The following MRGPRF variants were observed in gnomAD, a reference collection of about 807,000 sequenced individuals.
The protein encoded by MRGPRF is MAS related GPR family member F, also known as mas-related G protein-coupled receptor member F.
Under a neutral mutation model 3.3 loss-of-function variants are expected in MRGPRF, and 2 were observed. The observed-to-expected ratio is 0.61, with a 90% confidence interval of 0.25 to 1.92. MRGPRF has a LOEUF of 1.92. Among genes scored for constraint, MRGPRF ranks in the 40% most tolerant of loss-of-function variants. The pLI, the probability that MRGPRF is intolerant of heterozygous loss-of-function variation, is 0.16. For missense variants in MRGPRF, 500 were observed against 476.0 expected, an observed-to-expected ratio of 1.05 and a Z score of -0.47; for synonymous variants, 242 against 222.7, an observed-to-expected ratio of 1.09 and a Z score of -0.77.
Position 69,005,678 on chromosome 11 carries a change from G to A in MRGPRF, c.632C>T (p.Pro211Leu), listed in dbSNP as rs1273582439. The A allele has an allele frequency of 4.5e-6, 7 of 1,551,350 alleles. No individual in the cohort carries two copies. The highest frequency in any genetic ancestry group is 3.9e-5 in the Admixed American group (2 of 51,012). ...GGCCAGGCAGGGCAGCACCATGAGC[G>A]GGCAGCAGAGCAGGAACAGGAGGAT... ...LGILLFLLCC[P>L]LMVLPCLALI... The change falls in exon 3 of 3, where the codon CCG becomes CTG. Residue 211 changes from proline to leucine, a missense_variant. Coordinates refer to ENST00000309099, the MANE Select transcript of MRGPRF (RefSeq NM_145015.5).
rs1438743421 is a variant in MRGPRF, at chr11:69,005,902, G to A, written c.408C>T (p.Ala136=). Reference sequence around the variant, plus strand: ...CCGAGGCGCAGCGCTCGGCGCTGACGGCCGGCAGGAGGCTCACGCCGGTAA... The same window carrying A: ...CCGAGGCGCAGCGCTCGGCGCTGACAGCCGGCAGGAGGCTCACGCCGGTAA... ...MFLTGVSLLP[A]VSAERCASVI... is the part of the protein sequence containing the mutation. Residue 136 remains alanine (A), a synonymous_variant, in exon 3 of 3, where the codon GCC becomes GCT. Coordinates refer to ENST00000309099, the MANE Select transcript of MRGPRF (RefSeq NM_145015.5). The A allele has an allele frequency of 1.3e-6, 2 of 1,572,540 alleles. No individual in the cohort carries two copies. The highest frequency in any genetic ancestry group is 1.2e-5 in the South Asian group (1 of 86,102).
intron 2 of MRGPRF, among the ~76,000 whole-genome samples, chr11:69,006,584 C>T (rs941169042): frequency 1.3e-5 from 2 of 151,256 alleles, no homozygotes; most frequent in Admixed American, 6.6e-5. Flanking sequence ...GTCCAAAAAA[C>T]GTCCAAGTCG....
At chr11:69,008,452 C>G (rs1860530436) in intron 2 of MRGPRF, among the ~76,000 whole-genome samples, 1 of 152,210 alleles carries the variant, frequency 6.6e-6, no homozygotes, top group Non-Finnish European at 1.5e-5. Flanking sequence ...TGGCAGAAAG[C>G]TGGGTCCTGA....
intron 2 of MRGPRF, among the ~76,000 whole-genome samples, chr11:69,006,674 C>T (rs1463669806): frequency 1.5e-5 from 2 of 132,092 alleles, no homozygotes; most frequent in East Asian, 2.4e-4. Context: ...CAGGCTGGAG[C>T]GTGCAGTGGC....
At position 69,005,335 on chromosome 11, in the gene MRGPRF, GC is replaced by G. The variant is rs1206177148; in HGVS notation, c.974del (p.Gly325AlafsTer98). The G allele has an allele frequency of 7.1e-6, 11 of 1,558,488 alleles. No homozygotes were observed. Among genetic ancestry groups the G allele is most frequent in the Admixed American group, 3.8e-5 (2 of 52,492 alleles). On this transcript the variant is annotated frameshift_variant, in exon 3 of 3. Transcript: ENST00000309099. LOFTEE classifies it high-confidence loss of function. ...CCATGGTGACTGTGTTGGGCGTGCT[GC>G]CCCCGGCCTCCCCCAGCTCAGCGCC... ...RDGAELGEAG[G>X]STPNTVTMEM...
chr11:69,006,292 T>C, intron 2 of MRGPRF, 31 bp from the exon 3 acceptor site: 14 of 1,544,674 alleles, frequency 9.1e-6, no homozygotes, highest in Non-Finnish European at 1.2e-5. Context: ...ACACCTGTGA[T>C]GCCGGCTGGC....
intron 2 of MRGPRF, among the ~76,000 whole-genome samples, chr11:69,008,846 G>C (rs1357702960): frequency 2.6e-5 from 4 of 152,212 alleles, no homozygotes; most frequent in African/African-American, 9.7e-5. Flanking sequence ...AGCTTACTCA[G>C]TGCCTCTTGT....
chr11:69,010,035 C>T, intron 1 of MRGPRF, 78 bp from the exon 2 acceptor site: 6 of 919,628 alleles, frequency 6.5e-6, no homozygotes, highest in Non-Finnish European at 6.5e-6. Flanking sequence ...CCTAGGCCCC[C>T]AAGGCCTGTG....
At chr11:69,006,362 G>T in intron 2 of MRGPRF, 101 bp from the exon 3 acceptor site, 1 of 1,324,636 alleles carries the variant, frequency 7.5e-7, no homozygotes, top group Admixed American at 2.4e-5. Flanking sequence ...TCCCAATTAG[G>T]GACTTGGGGC....
Position 69,005,883 on chromosome 11 carries a change from C to T in MRGPRF, c.427G>A (p.Ala143Thr), listed in dbSNP as rs1336121186. The T allele has an allele frequency of 6.4e-7, 1 of 1,565,046 alleles. No homozygotes were observed. The highest frequency in any genetic ancestry group is 1.4e-5 in the African/African-American group (1 of 74,060). ...TACCAGGCGGGGAAGATGACCGAGG[C>T]GCAGCGCTCGGCGCTGACGGCCGGC... Reference protein sequence around the residue: ...LLPAVSAERCASVIFPAWYWR... With the variant: ...LLPAVSAERCTSVIFPAWYWR... The change falls in exon 3 of 3, where the codon GCC (alanine) becomes ACC (threonine). Residue 143 changes from alanine to threonine, a missense_variant. Ala to Thr is a moderately conservative substitution (Grantham distance 58). Coordinates refer to ENST00000309099, the MANE Select transcript of MRGPRF (RefSeq NM_145015.5).
At chr11:69,011,979 C>T (rs1860606590) in intron 1 of MRGPRF, among the ~76,000 whole-genome samples, 1 of 152,250 alleles carries the variant, frequency 6.6e-6, no homozygotes. Flanking sequence ...CTTGTCCTGC[C>T]AGGGACAACC....
intron 2 of MRGPRF, 88 bp from the exon 3 acceptor site, chr11:69,006,349 G>T (rs1590679131): frequency 1.4e-6 from 2 of 1,443,908 alleles, no homozygotes; most frequent in Non-Finnish European, 1.8e-6. Context: ...GGGAGGGGGG[G>T]GGTCCCAATT....
chr11:69,011,153 G>A (rs909151995), intron 1 of MRGPRF, among the ~76,000 whole-genome samples: 8 of 152,080 alleles, frequency 5.3e-5, no homozygotes, highest in African/African-American at 1.9e-4. Context: ...CGCCCGCCGC[G>A]CACTCCTCCC....
intron 1 of MRGPRF, among the ~76,000 whole-genome samples, chr11:69,011,120 G>GGCCTCA (rs1360444240): frequency 3.3e-5 from 5 of 152,142 alleles, no homozygotes; most frequent in Admixed American, 6.5e-5. Context: ...GGGTCCGCCC[G>GGCCTCA]GCCTCAGCCA....
chr11:69,009,696 G>T (rs775647821), intron 2 of MRGPRF, 158 bp downstream of exon 2: 4 of 850,318 alleles, frequency 4.7e-6, no homozygotes, highest in African/African-American at 3.3e-5. Flanking sequence ...ACTTGTGCCC[G>T]GCCACATAGC....
rs2154012438 is a variant in MRGPRF at position 69,005,733 on chromosome 11, C to A, written c.577G>T (p.Ala193Ser). 1 of 1,550,186 alleles carries A rather than the reference C, an allele frequency of 6.5e-7. No individual in the cohort carries two copies. Among genetic ancestry groups the A allele is most frequent in the Non-Finnish European group, 8.7e-7 (1 of 1,146,670 alleles). The change falls in exon 3 of 3, where the codon GCC (alanine) becomes TCC (serine). Residue 193 changes from alanine to serine, a missense_variant. Physicochemically the swap from Ala to Ser is moderately conservative, Grantham distance 99. Transcript: ENST00000309099. ...AGGAAGATGTCCATGTGCCTGCAGG[C>A]CGCGCCGGGGGCCCCGCGGCCCAGG... ...VFLGRGAPGA[A>S]CRHMDIFLGI... is the part of the protein sequence containing the mutation.
At chr11:69,006,333 GC>G in intron 2 of MRGPRF, 72 bp from the exon 3 acceptor site, 1 of 1,409,278 alleles carries the variant, frequency 7.1e-7, no homozygotes, top group South Asian at 1.4e-5. Context: ...CTGGGGCCCA[GC>G]GTGGGGGAGG....
chr11:69,009,348 G>A (rs1006560342), intron 2 of MRGPRF: 2 of 404,742 alleles, frequency 4.9e-6, no homozygotes, highest in Admixed American at 4.1e-5. Context: ...CTGAGGGCAG[G>A]AGGAGGGTCA....
intron 1 of MRGPRF, 125 bp from the exon 2 acceptor site, chr11:69,010,082 C>T: frequency 1.6e-6 from 1 of 628,316 alleles, no homozygotes; most frequent in Non-Finnish European, 2.7e-6. Context: ...GGCAATCACC[C>T]CACACCCTCA....
Sources: allele counts gnomAD v4.1 joint callset (sites outside exome capture counted in the v4.1 genomes callset), GRCh38; gene constraint gnomAD v4.1.1; transcripts MANE v1.5; gene names NCBI Gene and HGNC (gene_info 2026-07-23, HGNC 2026-07-21).